The following CHD3 variants were observed in gnomAD, a reference collection of about 807,000 sequenced individuals.
The protein encoded by CHD3 is ATP-dependent chromatin remodeler CHD3.
Under a neutral mutation model 248.9 loss-of-function variants are expected in CHD3, and 52 were observed. The ratio of observed to expected loss-of-function variants is 0.21; its 90% CI spans 0.17 to 0.26. The LOEUF (loss-of-function observed/expected upper bound fraction) is 0.26, where lower values mean the gene tolerates loss of function less well. Among genes scored for constraint, CHD3 ranks in the 10% least tolerant of loss-of-function variants. CHD3 has a pLI of 1.00. For missense variants in CHD3, 1,482 were observed against 2,605.8 expected (o/e 0.57, Z 9.39); for synonymous variants, 985 against 985.2 (o/e 1.00, Z 0.00).
chr17:7,908,395 T>G lies in CHD3; in HGVS notation c.5153-7T>G, dbSNP rs1244944863. On this transcript the variant is annotated splice_region_variant and splice_polypyrimidine_tract_variant and intron_variant, in intron 34 of 39. Coordinates refer to ENST00000330494, the MANE Select transcript of CHD3 (RefSeq NM_001005273.3). The surrounding 1 kb of genome is among the most constrained non-coding windows in gnomAD (Gnocchi z 5.8). The stretch of plus-strand genomic sequence containing the variant: ...GTTACCTCTTCTGTCTGCTGCCTTC[T>G]TTGCAGAGCTTCACACACTGTGGCA... 1 of 1,611,194 alleles carries G rather than the reference T, an allele frequency of 6.2e-7. No individual in the cohort carries two copies. The highest frequency in any genetic ancestry group is 1.7e-5 in the Admixed American group (1 of 59,610).
Position 7,904,547 on chromosome 17 carries a change from G to T in CHD3, c.4000G>T (p.Ala1334Ser). 6.2e-7 allele frequency: 1 copy of T among 1,614,138 alleles called. No homozygotes were observed. Among genetic ancestry groups the T allele is most frequent in the Non-Finnish European group, 8.5e-7 (1 of 1,180,044 alleles). ...CTATGAGCAACAGCAGGAAGACCTA[G>T]CCCGGAATCTAGGCAAGGGCAAGCG... ...HHYEQQQEDL[A>S]RNLGKGKRVR... The change falls in exon 25 of 40, where the codon GCC becomes TCC. Residue 1334 changes from alanine to serine, a missense_variant. Physicochemically the swap from Ala to Ser is moderately conservative, Grantham distance 99 (BLOSUM62 1). This residue lies in a region of CHD3 where 156 missense variants were observed against 420.3 expected (regional missense o/e 0.37). Coordinates refer to ENST00000330494, the MANE Select transcript of CHD3 (RefSeq NM_001005273.3). The surrounding 1 kb of genome is among the most constrained non-coding windows in gnomAD (Gnocchi z 4.4).
chr17:7,891,206 C>T (rs1249892603), intron 4 of CHD3, 142 bp downstream of exon 4: 15 of 1,011,402 alleles, frequency 1.5e-5, no homozygotes, highest in Non-Finnish European at 2.2e-5. Flanking sequence ...CACGTCATTT[C>T]AGGGAACTCC....
chr17:7,911,715 GC>G lies in CHD3; in HGVS notation c.*134del, dbSNP rs1002516249. The G allele has an allele frequency of 5.3e-5, 83 of 1,554,772 alleles. No homozygotes were observed. Among genetic ancestry groups the G allele is most frequent in the Non-Finnish European group, 7.0e-5 (80 of 1,148,584 alleles). On this transcript the variant is annotated 3_prime_UTR_variant, in exon 40 of 40. Transcript: ENST00000330494. This position sits in a 1 kb window ranked among gnomAD's most constrained non-coding sequence, Gnocchi z 5.4. ...CCATCACTGGGCTAGGAACCCCTTT[GC>G]CCCTCTCTGCAGCTCCTCTCTTCAA...
chr17:7,905,393 C>T lies in CHD3; in HGVS notation c.4138+228C>T, dbSNP rs1287402861. The T allele has an allele frequency of 3.3e-6, 2 of 614,166 alleles. No homozygotes were observed. Among genetic ancestry groups the T allele is most frequent in the Non-Finnish European group, 5.8e-6 (2 of 345,118 alleles). 38.0% of individuals were successfully genotyped at this position (614,166 alleles called of 1,614,324 possible). ...AAGGCCATATCATTTTCCATTCCCA[C>T]TGGTAATCTGGGCCTTTGTCAGATA... is the stretch of plus-strand genomic sequence containing the variant. On this transcript the variant is annotated intron_variant, in intron 26 of 39. Coordinates refer to ENST00000330494, the MANE Select transcript of CHD3 (RefSeq NM_001005273.3). The surrounding 1 kb of genome is among the most constrained non-coding windows in gnomAD (Gnocchi z 5.8).
intron 7 of CHD3, 68 bp downstream of exon 7, chr17:7,894,333 C>T: frequency 6.3e-7 from 1 of 1,590,996 alleles, no homozygotes; most frequent in East Asian, 2.2e-5. Flanking sequence ...TCAATTTTGA[C>T]TTCTCTCTTC....
rs758291284 is a variant in CHD3 at position 7,910,318 on chromosome 17, C to T, written c.5591-110C>T. 6.8e-6 allele frequency: 9 copies of T among 1,326,032 alleles called. No homozygotes were observed. Among genetic ancestry groups the T allele is most frequent in the African/African-American group, 1.4e-5 (1 of 69,100 alleles). 82.1% of individuals were successfully genotyped at this position (1,326,032 alleles called of 1,614,324 possible). On this transcript the variant is annotated intron_variant, in intron 37 of 39. Transcript: ENST00000330494. This position sits in a 1 kb window ranked among gnomAD's most constrained non-coding sequence, Gnocchi z 4.7. ...CTTTGACATCTGTGTTCTCCTCTCT[C>T]GCTCTTTTTCTGCCTGTATCTGTCC...
Position 7,904,463 on chromosome 17 carries a change from A to G in CHD3, c.3916A>G (p.Ile1306Val). 1 of 1,613,608 alleles carries G rather than the reference A, an allele frequency of 6.2e-7. No individual in the cohort carries two copies. The highest frequency in any genetic ancestry group is 8.5e-7 in the Non-Finnish European group (1 of 1,179,652). Reference protein sequence around the residue: ...EDKIEEIEREIIKQEENVDPD... With the variant: ...EDKIEEIEREVIKQEENVDPD... ...TCAGATTGAGGAAATTGAGCGAGAG[A>G]TCATCAAGCAGGAGGAGAATGTGGA... Residue 1306 changes from isoleucine (I) to valine (V), a missense_variant, in exon 25 of 40, where the codon ATC becomes GTC. Coordinates refer to ENST00000330494, the MANE Select transcript of CHD3 (RefSeq NM_001005273.3). The surrounding 1 kb of genome is among the most constrained non-coding windows in gnomAD (Gnocchi z 4.4).
In CHD3 at chr17:7,895,659, T is replaced by G; in HGVS notation, c.1707+117T>G. The G allele has an allele frequency of 2.0e-5, 18 of 886,428 alleles. No homozygotes were observed. The highest frequency in any genetic ancestry group is 2.5e-5 in the Non-Finnish European group (14 of 563,232). 54.9% of individuals were successfully genotyped at this position (886,428 alleles called of 1,614,324 possible). On this transcript the variant is annotated intron_variant, in intron 10 of 39. Coordinates refer to ENST00000330494, the MANE Select transcript of CHD3 (RefSeq NM_001005273.3). The surrounding 1 kb of genome is among the most constrained non-coding windows in gnomAD (Gnocchi z 4.9). ...TCTTTGTTTTCTCTCATTTCAGGCCTGTGGCCTTCATACCCTACTTGCTTA... is the reference window on the plus strand; with the variant it reads ...TCTTTGTTTTCTCTCATTTCAGGCCGGTGGCCTTCATACCCTACTTGCTTA...
At position 7,906,815 on chromosome 17, in the gene CHD3, CCTGT is replaced by C. The variant is rs1272994112; in HGVS notation, c.4504-49_4504-46del. On this transcript the variant is annotated intron_variant, in intron 29 of 39. Transcript: ENST00000330494. The surrounding 1 kb of genome is among the most constrained non-coding windows in gnomAD (Gnocchi z 5.0). ...TGTGAGACGGAGGAGACTGGAGCTT[CCTGT>C]CTGTAAGCGCCTGGAGCTGACACCT... The C allele has an allele frequency of 6.8e-5, 110 of 1,606,004 alleles. No individual in the cohort carries two copies. The highest frequency in any genetic ancestry group is 9.2e-5 in the Non-Finnish European group (108 of 1,175,042).
Position 7,899,638 on chromosome 17 carries a change from T to A in CHD3, c.2544+95T>A. 7.7e-7 allele frequency: 1 copy of A among 1,294,564 alleles called. No homozygotes were observed. Among genetic ancestry groups the A allele is most frequent in the Non-Finnish European group, 1.1e-6 (1 of 918,160 alleles). 80.2% of individuals were successfully genotyped at this position (1,294,564 alleles called of 1,614,324 possible). On this transcript the variant is annotated intron_variant, in intron 15 of 39. Coordinates refer to ENST00000330494, the MANE Select transcript of CHD3 (RefSeq NM_001005273.3). The surrounding 1 kb of genome is among the most constrained non-coding windows in gnomAD (Gnocchi z 6.8). ...AGTTTCTCTATTCCCCTCCTCACCT[T>A]TCTCCTCTTCCTCCACCTGTCCTCC...
intron 2 of CHD3, 143 bp from the exon 3 acceptor site, chr17:7,890,428 C>G: frequency 1.6e-6 from 1 of 631,134 alleles, no homozygotes; most frequent in Non-Finnish European, 2.6e-6. Context: ...GACTCCATCT[C>G]CAAAAAAAAA....
At position 7,904,119 on chromosome 17, in the gene CHD3, C is replaced by A; in HGVS notation, c.3894+128C>A. On this transcript the variant is annotated intron_variant, in intron 24 of 39. Transcript: ENST00000330494. This position sits in a 1 kb window ranked among gnomAD's most constrained non-coding sequence, Gnocchi z 4.4. ...AGTAGTGGACCTCAAACAACTTCTT[C>A]GTCTAATAGGTGAGACTGGACTTCA... is the stretch of plus-strand genomic sequence containing the variant. 1.0e-6 allele frequency: 1 copy of A among 955,786 alleles called. No individual in the cohort carries two copies. The highest frequency in any genetic ancestry group is 1.6e-6 in the Non-Finnish European group (1 of 641,710). 59.2% of individuals were successfully genotyped at this position (955,786 alleles called of 1,614,324 possible). A position where few individuals can be genotyped will look rare whatever the true frequency, so the allele number is the denominator to read the frequency against.
Position 7,900,493 on chromosome 17 carries a change from G to T in CHD3, c.2805-65G>T. ...GCTGGTAGAGGATTAATCTGAGGTG[G>T]TAAGTCTGAGATCAGGGGCAAGGAA... On this transcript the variant is annotated intron_variant, in intron 17 of 39. Coordinates refer to ENST00000330494, the MANE Select transcript of CHD3 (RefSeq NM_001005273.3). The surrounding 1 kb of genome is among the most constrained non-coding windows in gnomAD (Gnocchi z 6.5). 1.2e-6 allele frequency: 2 copies of T among 1,610,446 alleles called. No homozygotes were observed. Among genetic ancestry groups the T allele is most frequent in the African/African-American group, 1.3e-5 (1 of 74,858 alleles).
rs1968697170 is a variant in CHD3 at position 7,890,563 on chromosome 17, TC to T, written c.214-7del. 6.5e-7 allele frequency: 1 copy of T among 1,550,238 alleles called. No homozygotes were observed. The highest frequency in any genetic ancestry group is 1.4e-5 in the African/African-American group (1 of 71,944). ...TGAATAAATGTTATTTTTATTTCTTTCTCTTAGGACAGTGAGGAGGAATTTG... is the reference window on the plus strand; with the variant it reads ...TGAATAAATGTTATTTTTATTTCTTTTCTTAGGACAGTGAGGAGGAATTTG... On this transcript the variant is annotated splice_region_variant and splice_polypyrimidine_tract_variant and intron_variant, in intron 2 of 39. Transcript: ENST00000330494.
Position 7,911,722 on chromosome 17 carries a change from T to C in CHD3, c.*137T>C. The stretch of plus-strand genomic sequence containing the variant: ...TGGGCTAGGAACCCCTTTGCCCCTC[T>C]CTGCAGCTCCTCTCTTCAAGAAGGG... On this transcript the variant is annotated 3_prime_UTR_variant, in exon 40 of 40. Transcript: ENST00000330494. The surrounding 1 kb of genome is among the most constrained non-coding windows in gnomAD (Gnocchi z 5.4). 6.5e-7 allele frequency: 1 copy of C among 1,550,316 alleles called. No homozygotes were observed. The highest frequency in any genetic ancestry group is 2.5e-5 in the East Asian group (1 of 40,754).
chr17:7,901,351 A>C lies in CHD3; in HGVS notation c.3228A>C (p.Gly1076=). 4 of 1,612,516 alleles carry C rather than the reference A, an allele frequency of 2.5e-6. No individual in the cohort carries two copies. Among genetic ancestry groups the C allele is most frequent in the Non-Finnish European group, 3.4e-6 (4 of 1,179,070 alleles). The change falls in exon 20 of 40, where the codon GGA becomes GGC. Residue 1076 remains glycine (G), a synonymous_variant. Coordinates refer to ENST00000330494, the MANE Select transcript of CHD3 (RefSeq NM_001005273.3). ...QKMLRKLKEQ[G]HRVLIFSQMT... ...TGCTGCGAAAGCTGAAGGAGCAAGGACACCGAGTGCTCATCTTCTCGCAGG... is the reference window on the plus strand; with the variant it reads ...TGCTGCGAAAGCTGAAGGAGCAAGGCCACCGAGTGCTCATCTTCTCGCAGG...
chr17:7,903,457 C>T lies in CHD3; in HGVS notation c.3681C>T (p.Asp1227=). ...CCATGTCCAAGCAGGAGCTTGACGA[C>T]ATTCTCAAATTTGGCACTGAAGAGC... The part of the protein sequence containing the change: ...AGSMSKQELD[D]ILKFGTEELF... Residue 1227 remains aspartate (D), a synonymous_variant, in exon 23 of 40, where the codon GAC becomes GAT. Transcript: ENST00000330494. The surrounding 1 kb of genome is among the most constrained non-coding windows in gnomAD (Gnocchi z 6.8). 6.2e-7 allele frequency: 1 copy of T among 1,614,180 alleles called. No homozygotes were observed. Among genetic ancestry groups the T allele is most frequent in the South Asian group, 1.1e-5 (1 of 91,088 alleles).
intron 4 of CHD3, among the ~76,000 whole-genome samples, chr17:7,891,783 C>A (rs1156570973): frequency 6.6e-6 from 1 of 151,924 alleles, no homozygotes; most frequent in African/African-American, 2.4e-5. Flanking sequence ...ATCGCTTGAA[C>A]CCGGGAGGCA....
upstream of CHD3, chr17:7,884,869 A>T: frequency 8.3e-7 from 1 of 1,210,944 alleles, no homozygotes; most frequent in Non-Finnish European, 1.1e-6. Context: ...CGGAGGAGGA[A>T]GAAGAGGAGG....
Sources: allele counts gnomAD v4.1 joint callset (sites outside exome capture counted in the v4.1 genomes callset), GRCh38; gene constraint gnomAD v4.1.1; regional missense constraint gnomAD v4.1.1; non-coding constraint Gnocchi (gnomAD v3.1); transcripts MANE v1.5; gene names NCBI Gene and HGNC (gene_info 2026-07-23, HGNC 2026-07-21).